AMPD1: variants seen among roughly 807,000 people sequenced by gnomAD.
AMPD1 encodes adenosine monophosphate deaminase 1.
AMPD1 carries 74 observed loss-of-function variants against 82.9 expected under a neutral mutation model. The ratio of observed to expected loss-of-function variants is 0.89; its 90% CI spans 0.74 to 1.08. The LOEUF (loss-of-function observed/expected upper bound fraction) is 1.08. Ranked by LOEUF, AMPD1 falls within the 50% of genes least tolerant of loss-of-function variation. The pLI is 0.00. For missense variants in AMPD1, 881 were observed against 924.5 expected, an observed-to-expected ratio of 0.95 and a Z score of 0.61; for synonymous variants, 333 against 320.5, an observed-to-expected ratio of 1.04 and a Z score of -0.42.
Position 114,674,076 on chromosome 1 carries a change from C to G in AMPD1, c.1807G>C (p.Val603Leu). The change falls in exon 14 of 16, where the codon GTG (valine) becomes CTG (leucine). Residue 603 changes from valine to leucine, a missense_variant. This residue lies in a region of AMPD1 where 783 missense variants were observed against 786.4 expected (regional missense o/e 1.00). Coordinates refer to ENST00000520113, the MANE Select transcript of AMPD1 (RefSeq NM_000036.3). Reference protein sequence around the residue: ...SHGLNLKKSPVLQYLFFLAQI... With the variant: ...SHGLNLKKSPLLQYLFFLAQI... ...GCTAAGAAAAACAAGTACTGTAGCA[C>G]GGGACTCTGAAAAAGAAAAGTAAAA... 1 of 1,613,296 alleles carries G rather than the reference C, an allele frequency of 6.2e-7. No individual in the cohort carries two copies. Among genetic ancestry groups the G allele is most frequent in the Non-Finnish European group, 8.5e-7 (1 of 1,179,500 alleles).
In AMPD1 at chr1:114,673,926, G is replaced by A. The variant is rs749628995; in HGVS notation, c.1957C>T (p.Gln653Ter). Reference protein sequence around the residue: ...MISLSTDDPMQFHFTKEPLME... With the variant: ...MISLSTDDPM ...TACTATACCTTGGTAAAGTGGAATTGCATTGGGTCATCTGTAGACAGTGAG... is the reference window on the plus strand; with the variant it reads ...TACTATACCTTGGTAAAGTGGAATTACATTGGGTCATCTGTAGACAGTGAG... Residue 653 changes from glutamine (Q) to a stop codon, truncating the protein, a stop_gained, in exon 14 of 16, where the codon CAA becomes TAA. Transcript: ENST00000520113. LOFTEE classifies it high-confidence loss of function. 5.0e-5 allele frequency: 80 copies of A among 1,613,958 alleles called. 1 individual carries two copies. The South Asian group carries it at 8.5e-4, about 17-fold the overall frequency.
chr1:114,688,506 G>A, intron 3 of AMPD1, 55 bp downstream of exon 3: 1 of 1,575,716 alleles, frequency 6.3e-7, no homozygotes, highest in East Asian at 2.2e-5. Context: ...ATCTTCCCTG[G>A]CAGATACCCC....
At chr1:114,677,309 G>C in intron 10 of AMPD1, 42 bp downstream of exon 10, 8 of 1,609,760 alleles carry the variant, frequency 5.0e-6, no homozygotes, top group Non-Finnish European at 6.8e-6. Flanking sequence ...AAGCAGATGA[G>C]ACAAGGGCAG....
intron 15 of AMPD1, 147 bp downstream of exon 15, chr1:114,673,492 A>G: frequency 1.2e-6 from 1 of 868,554 alleles, no homozygotes; most frequent in Non-Finnish European, 1.9e-6. Flanking sequence ...AGGCAAAGAG[A>G]TAGAATAATC....
chr1:114,679,549 G>A (rs771190375), intron 7 of AMPD1, 30 bp downstream of exon 7: 1 of 1,612,806 alleles, frequency 6.2e-7, no homozygotes, highest in Admixed American at 1.7e-5. Context: ...TTTTGCCCAG[G>A]AATTACCCCT....
rs115092288 is a variant in AMPD1, at chr1:114,673,738, C to T, written c.1986G>A (p.Met662Ile). 4.2e-4 allele frequency: 684 copies of T among 1,613,344 alleles called. No homozygotes were observed. The highest frequency in any genetic ancestry group is 4.9e-4 in the Non-Finnish European group (581 of 1,179,398). The change falls in exon 15 of 16, where the codon ATG becomes ATA. Residue 662 changes from methionine to isoleucine, a missense_variant. Met to Ile is a conservative substitution (Grantham distance 10, BLOSUM62 1). Coordinates refer to ENST00000520113, the MANE Select transcript of AMPD1 (RefSeq NM_000036.3). Reference protein sequence around the residue: ...MQFHFTKEPLMEEYAIAAQVF... With the variant: ...MQFHFTKEPLIEEYAIAAQVF... ...CTTGTGCAGCAATAGCATATTCTTC[C>T]ATTAGGGGCTCCTGCAGTTATATTA...
At chr1:114,679,800 A>G in intron 6 of AMPD1, 92 bp from the exon 7 acceptor site, 1 of 1,454,290 alleles carries the variant, frequency 6.9e-7, no homozygotes, top group East Asian at 2.3e-5. Flanking sequence ...TTTATCATTC[A>G]TAGGAAATAA....
intron 9 of AMPD1, 99 bp from the exon 10 acceptor site, chr1:114,677,613 C>T: frequency 1.3e-6 from 2 of 1,510,796 alleles, no homozygotes; most frequent in Non-Finnish European, 1.8e-6. Flanking sequence ...CTTTCAGAAT[C>T]TGAAAAGGCT....
intron 4 of AMPD1, among the ~76,000 whole-genome samples, chr1:114,686,511 C>T (rs1467373924): frequency 6.6e-6 from 1 of 152,150 alleles, no homozygotes; most frequent in East Asian, 1.9e-4. Flanking sequence ...GCATTCTACT[C>T]CATATTCTCC....
At chr1:114,674,694 G>A in intron 13 of AMPD1, 58 bp downstream of exon 13, 2 of 1,580,064 alleles carry the variant, frequency 1.3e-6, no homozygotes, top group Non-Finnish European at 8.7e-7. Context: ...GGTTGGTTAA[G>A]GGAAAAAAGA....
rs138908593 is a variant in AMPD1, at chr1:114,680,421, T to G, written c.605A>C (p.Glu202Ala). 6.2e-7 allele frequency: 1 copy of G among 1,614,068 alleles called. No individual in the cohort carries two copies. The highest frequency in any genetic ancestry group is 1.3e-5 in the African/African-American group (1 of 74,926). Reference protein sequence around the residue: ...EDPFRTDNLPENLGYHLKMKD... With the variant: ...EDPFRTDNLPANLGYHLKMKD... The stretch of plus-strand genomic sequence containing the variant: ...CATTTTGAGGTGATAGCCCAGGTTT[T>G]CAGGAAGGTTGTCTGTTCGGAAGGG... The change falls in exon 6 of 16, where the codon GAA becomes GCA. Residue 202 changes from glutamate (E) to alanine (A), a missense_variant. Coordinates refer to ENST00000520113, the MANE Select transcript of AMPD1 (RefSeq NM_000036.3).
At chr1:114,673,868 T>G (rs1430426983) in intron 14 of AMPD1, 41 bp downstream of exon 14, 1 of 1,608,354 alleles carries the variant, frequency 6.2e-7, no homozygotes, top group Non-Finnish European at 8.5e-7. Context: ...GAAACAACAG[T>G]CCAGCAAAAT....
At chr1:114,687,735 A>G (rs1410813255) in intron 3 of AMPD1, among the ~76,000 whole-genome samples, 17 of 152,302 alleles carry the variant, frequency 1.1e-4, no homozygotes, top group East Asian at 1.9e-4. Flanking sequence ...CGGGGGAGGC[A>G]GCAAGTATGC....
At chr1:114,682,628 G>T (rs550675442) in intron 5 of AMPD1, among the ~76,000 whole-genome samples, 3 of 151,542 alleles carry the variant, frequency 2.0e-5, no homozygotes, top group Non-Finnish European at 4.4e-5. Flanking sequence ...GCCCAGGCTG[G>T]AGTGCAGTGG....
At chr1:114,676,061 C>T (rs1270340748) in intron 10 of AMPD1, 58 bp from the exon 11 acceptor site, 3 of 1,580,480 alleles carry the variant, frequency 1.9e-6, no homozygotes, top group Non-Finnish European at 2.6e-6. Flanking sequence ...ACTGATAGCC[C>T]CAGTATGAGG....
chr1:114,688,813 A>G (rs897344444), intron 2 of AMPD1, 72 bp from the exon 3 acceptor site: 3 of 1,545,026 alleles, frequency 1.9e-6, no homozygotes, highest in Non-Finnish European at 2.7e-6. Context: ...TGCTATGTGT[A>G]AGGCATGGGA....
At chr1:114,694,778 G>A (rs1422942209) in intron 1 of AMPD1, among the ~76,000 whole-genome samples, 1 of 151,988 alleles carries the variant, frequency 6.6e-6, no homozygotes, top group East Asian at 1.9e-4. Flanking sequence ...CAGAAGATTG[G>A]GGCTGCAGTG....
intron 4 of AMPD1, among the ~76,000 whole-genome samples, chr1:114,686,347 TC>T (rs1298504575): frequency 2.6e-5 from 4 of 152,088 alleles, no homozygotes; most frequent in Non-Finnish European, 5.9e-5. Flanking sequence ...CTATCCTAGG[TC>T]TGCTTGGGTC....
chr1:114,685,031 T>C (rs987688950), intron 4 of AMPD1, among the ~76,000 whole-genome samples: 1 of 152,216 alleles, frequency 6.6e-6, no homozygotes, highest in Non-Finnish European at 1.5e-5. Context: ...GGGCCAGGCA[T>C]GCCCAAGTAG....
Sources: allele counts gnomAD v4.1 joint callset (sites outside exome capture counted in the v4.1 genomes callset), GRCh38; gene constraint gnomAD v4.1.1; regional missense constraint gnomAD v4.1.1; transcripts MANE v1.5; gene names NCBI Gene and HGNC (gene_info 2026-07-23, HGNC 2026-07-21).